The following AHCTF1 variants were observed in gnomAD, a reference collection of about 807,000 sequenced individuals.
AHCTF1 encodes the protein protein ELYS.
In AHCTF1, 24 loss-of-function variants were observed where a neutral mutation model predicts 248.4. That is an observed-to-expected ratio of 0.10 (90% CI 0.07 to 0.14). The LOEUF is 0.14. Among genes scored for constraint, AHCTF1 ranks in the 10% least tolerant of loss-of-function variants. The pLI is 1.00. For synonymous variants in AHCTF1, 786 were observed against 929.8 expected (o/e 0.85, Z 2.81); for missense variants, 2,206 against 2,636.2 (o/e 0.84, Z 3.57).
At chr1:246,923,158 T>C (rs1666694243) in intron 1 of AHCTF1, among the ~76,000 whole-genome samples, 2 of 147,806 alleles carry the variant, frequency 1.4e-5, no homozygotes, top group African/African-American at 5.0e-5. Flanking sequence ...CCCATGCCTG[T>C]AATCCCAGCA....
intron 4 of AHCTF1, 131 bp from the exon 5 acceptor site, chr1:246,907,889 G>A: frequency 2.6e-6 from 2 of 760,038 alleles, no homozygotes; most frequent in Middle Eastern, 3.9e-4. Context: ...TAAAAGATTA[G>A]TGATAACAAA....
rs1430610040 is a variant in AHCTF1, at chr1:246,850,542, T to C, written c.5464A>G (p.Ile1822Val). 3.1e-6 allele frequency: 5 copies of C among 1,607,214 alleles called. No homozygotes were observed. The highest frequency in any genetic ancestry group is 2.2e-5 in the South Asian group (2 of 90,342). ...GRRKKEVNQD[I>V]LENTSSVEQE... ...TCCACAGAACTGGTGTTTTCTAGTA[T>C]GTCCTGATTAACTTCTTTCTTTCTC... The change falls in exon 33 of 36, where the codon ATA (isoleucine) becomes GTA (valine). Residue 1822 changes from isoleucine to valine, a missense_variant. By Grantham distance (29) the Ile-to-Val change is conservative. This residue lies in a region of AHCTF1 where 29 missense variants were observed against 57.1 expected (regional missense o/e 0.51). Coordinates refer to ENST00000648844, the MANE Select transcript of AHCTF1 (RefSeq NM_001323342.2).
chr1:246,882,919 A>T (rs1663555514), intron 21 of AHCTF1, among the ~76,000 whole-genome samples: 1 of 152,224 alleles, frequency 6.6e-6, no homozygotes, highest in African/African-American at 2.4e-5. Flanking sequence ...AGAGAGGATA[A>T]CTGAACTGCC....
chr1:246,890,770 G>T (rs552057863), intron 16 of AHCTF1, among the ~76,000 whole-genome samples, 186 bp downstream of exon 16: 2 of 152,172 alleles, frequency 1.3e-5, no homozygotes, highest in East Asian at 3.9e-4. Context: ...AGCACTGTGT[G>T]TCAGGCATAG....
At chr1:246,899,595 G>T (rs1345051087) in intron 10 of AHCTF1, 83 bp from the exon 11 acceptor site, 3 of 952,370 alleles carry the variant, frequency 3.2e-6, no homozygotes, top group African/African-American at 3.4e-5. Context: ...ATAACAGACT[G>T]CAAGGCAAGG....
intron 29 of AHCTF1, 133 bp from the exon 30 acceptor site, chr1:246,857,947 A>T (rs1572372261): frequency 1.4e-6 from 1 of 706,150 alleles, no homozygotes; most frequent in Non-Finnish European, 2.2e-6. Flanking sequence ...GTGTTATCAG[A>T]CTGCTAACAC....
intron 29 of AHCTF1, 43 bp from the exon 30 acceptor site, chr1:246,857,857 T>C (rs769903839): frequency 7.1e-5 from 109 of 1,534,382 alleles, no homozygotes; most frequent in Non-Finnish European, 9.4e-5. Context: ...GCTAAATATT[T>C]AGTGATTACT....
intron 1 of AHCTF1, among the ~76,000 whole-genome samples, chr1:246,925,483 G>A (rs927217650): frequency 1.3e-5 from 2 of 152,302 alleles, no homozygotes; most frequent in Middle Eastern, 3.4e-3. Context: ...GGCCAGACAT[G>A]ATGGCTTATG....
intron 29 of AHCTF1, among the ~76,000 whole-genome samples, chr1:246,859,529 A>G (rs1661366125): frequency 6.6e-6 from 1 of 152,216 alleles, no homozygotes; most frequent in Non-Finnish European, 1.5e-5. Flanking sequence ...TAACAGGAAT[A>G]CATACTTCAG....
rs944588820 is a variant in AHCTF1, at chr1:246,861,446, C to G, written c.3736-151G>C. The G allele has an allele frequency of 2.0e-5, 16 of 793,048 alleles. No individual in the cohort carries two copies. In the African/African-American group the frequency reaches 2.8e-4, roughly 14 times the overall value. 49.1% of individuals were successfully genotyped at this position (793,048 alleles called of 1,614,324 possible). A position where few individuals can be genotyped will look rare whatever the true frequency, so the allele number is the denominator to read the frequency against. The stretch of plus-strand genomic sequence containing the variant: ...AAAATTCATTTATTCTAAATCCATT[C>G]TCTTCTAGTACGTAAAAGTTAATGG... On this transcript the variant is annotated intron_variant, in intron 28 of 35. Transcript: ENST00000648844.
chr1:246,868,744 TTTC>T (rs1662235952), intron 24 of AHCTF1, among the ~76,000 whole-genome samples: 1 of 152,112 alleles, frequency 6.6e-6, no homozygotes, highest in African/African-American at 2.4e-5. Flanking sequence ...AAGGCTTACA[TTTC>T]TTGGGTTACA....
At chr1:246,897,584 A>T (rs1014250908) in intron 12 of AHCTF1, among the ~76,000 whole-genome samples, 1 of 152,188 alleles carries the variant, frequency 6.6e-6, no homozygotes, top group Non-Finnish European at 1.5e-5. Flanking sequence ...ATTGCTCCTA[A>T]GCTACAAACC....
chr1:246,891,732 GA>G (rs774063591), intron 15 of AHCTF1, 46 bp downstream of exon 15: 8 of 1,588,098 alleles, frequency 5.0e-6, no homozygotes, highest in Non-Finnish European at 6.9e-6. Flanking sequence ...TCTTAGTCAA[GA>G]AGTAAAATTT....
chr1:246,858,143 T>C (rs939352554), intron 29 of AHCTF1, among the ~76,000 whole-genome samples: 11 of 151,962 alleles, frequency 7.2e-5, no homozygotes, highest in African/African-American at 2.7e-4. Flanking sequence ...GTATTTTTAG[T>C]AGAGACGGGG....
intron 31 of AHCTF1, among the ~76,000 whole-genome samples, chr1:246,854,655 C>G (rs1660978971): frequency 6.6e-6 from 1 of 152,162 alleles, no homozygotes; most frequent in South Asian, 2.1e-4. Context: ...CCAAGCGCTA[C>G]ACAAAACACT....
intron 15 of AHCTF1, 106 bp from the exon 16 acceptor site, chr1:246,891,166 T>TA: frequency 4.8e-6 from 3 of 624,904 alleles, no homozygotes; most frequent in Non-Finnish European, 8.0e-6. Flanking sequence ...TAAATATATA[T>TA]TTTACATATA....
chr1:246,859,532 T>C (rs1006793374), intron 29 of AHCTF1, among the ~76,000 whole-genome samples: 16 of 152,206 alleles, frequency 1.1e-4, no homozygotes, highest in African/African-American at 3.4e-4. Context: ...CAGGAATACA[T>C]ACTTCAGGAA....
Position 246,840,991 on chromosome 1 carries a change from CTG to C in AHCTF1, c.6614_6615del (p.Thr2205ArgfsTer21). 1 of 1,596,258 alleles carries C rather than the reference CTG, an allele frequency of 6.3e-7. No homozygotes were observed. Among genetic ancestry groups the C allele is most frequent in the Non-Finnish European group, 8.5e-7 (1 of 1,175,402 alleles). ...GGAGGTGACCAAGCACTTTCTTTTT[CTG>C]TGTTTCTGAAAAAAAAAGATATGAT... Reference protein sequence around the residue: ...TSKTKQASKNTEKESAWSPPP... With the variant: ...TSKTKQASKNXEKESAWSPPP... On this transcript the variant is annotated frameshift_variant, in exon 36 of 36. Coordinates refer to ENST00000648844, the MANE Select transcript of AHCTF1 (RefSeq NM_001323342.2). LOFTEE classifies it high-confidence loss of function.
chr1:246,867,901 C>CCCCCCCACA, intron 24 of AHCTF1, 90 bp from the exon 25 acceptor site: 1 of 303,398 alleles, frequency 3.3e-6, no homozygotes, highest in African/African-American at 4.8e-5. Context: ...ACCCCCCCCC[C>CCCCCCCACA]CACACACACA....
Sources: gnomAD v4.1 joint callset for allele counts (sites outside exome capture counted in the v4.1 genomes callset) on GRCh38, gnomAD v4.1.1 for gene constraint, gnomAD v4.1.1 regional missense constraint, MANE v1.5 for transcripts, NCBI Gene and HGNC (gene_info 2026-07-23, HGNC 2026-07-21) for gene names.